MYO9A: variants seen among roughly 807,000 people sequenced by gnomAD.
MYO9A encodes the protein myosin IXA, also known as unconventional myosin-IXa.
MYO9A carries 103 observed loss-of-function variants against 293.3 expected under a neutral mutation model. That is an observed-to-expected ratio of 0.35 (90% CI 0.30 to 0.41). MYO9A has a LOEUF of 0.41. MYO9A is among the 10% of genes least tolerant of loss of function. The pLI, the probability that MYO9A is intolerant of heterozygous loss-of-function variation, is 1.00. For missense variants in MYO9A, 2,685 were observed against 3,033.0 expected, an observed-to-expected ratio of 0.89 and a Z score of 2.69; for synonymous variants, 1,001 against 1,035.7, an observed-to-expected ratio of 0.97 and a Z score of 0.64.
intron 1 of MYO9A, among the ~76,000 whole-genome samples, chr15:72,056,383 T>C (rs749273057): frequency 1.3e-5 from 2 of 152,192 alleles, no homozygotes; most frequent in African/African-American, 2.4e-5. Flanking sequence ...TTGTGGTCAA[T>C]ATACACCATG....
At chr15:71,994,361 T>C (rs1051325003) in intron 10 of MYO9A, 108 bp downstream of exon 10, 1 of 605,066 alleles carries the variant, frequency 1.7e-6, no homozygotes, top group Admixed American at 3.1e-5. Flanking sequence ...TAAAAGCGAT[T>C]TCTTACTTAT....
At position 72,117,993 on chromosome 15, in the gene MYO9A, G is replaced by A. The variant is rs992531631; in HGVS notation, c.-385C>T. On this transcript the variant is annotated 5_prime_UTR_variant, in exon 1 of 42. Coordinates refer to ENST00000356056, the MANE Select transcript of MYO9A (RefSeq NM_006901.4). Reference sequence around the variant, plus strand: ...CTCTGCCGGTGCAACTACTGCCTCCGCCGCCGCCTCTCGCAGTCCGGGCTG... The same window carrying A: ...CTCTGCCGGTGCAACTACTGCCTCCACCGCCGCCTCTCGCAGTCCGGGCTG... 2 of 398,832 alleles carry A rather than the reference G, an allele frequency of 5.0e-6. No homozygotes were observed. Among genetic ancestry groups the A allele is most frequent in the Non-Finnish European group, 4.4e-6 (1 of 226,558 alleles). 24.7% of individuals were successfully genotyped at this position (398,832 alleles called of 1,614,324 possible).
chr15:72,028,797 T>C (rs12439301), intron 3 of MYO9A, among the ~76,000 whole-genome samples: 1,914 of 152,330 alleles, frequency 0.013, 57 homozygotes, highest in Admixed American at 0.057. Context: ...TAGTTTCTTT[T>C]TATATATTTA....
At chr15:71,847,429 G>A (rs2055436309) in intron 39 of MYO9A, 4 of 454,754 alleles carry the variant, frequency 8.8e-6, no homozygotes, top group Middle Eastern at 3.2e-4. Context: ...ACTGAATTGC[G>A]GGTAATGTTC....
intron 1 of MYO9A, among the ~76,000 whole-genome samples, chr15:72,055,989 A>G (rs2078707483): frequency 6.6e-6 from 1 of 152,322 alleles, no homozygotes; most frequent in South Asian, 2.1e-4. Context: ...GCACTTTAGG[A>G]GGCCAAGGCA....
rs762832189 is a variant in MYO9A, at chr15:71,898,764, G to C, written c.3739C>G (p.Gln1247Glu). ...CTCTCTCTTACAAGCACATCTTCCT[G>C]CAAGTCCACACCACTCTGGCTTTGG... is the stretch of plus-strand genomic sequence containing the variant. ...RAQSQSGVDL[Q>E]EDVLVRERPR... The change falls in exon 25 of 42, where the codon CAG becomes GAG. Residue 1247 changes from glutamine to glutamate, a missense_variant. This residue lies in a region of MYO9A where 1,434 missense variants were observed against 1,497.7 expected (regional missense o/e 0.96). Transcript: ENST00000356056. The C allele has an allele frequency of 3.7e-6, 6 of 1,613,940 alleles. No individual in the cohort carries two copies. The South Asian group carries it at 6.6e-5, about 18-fold the overall frequency.
intron 19 of MYO9A, among the ~76,000 whole-genome samples, chr15:71,908,749 C>T (rs183404419): frequency 2.4e-4 from 37 of 152,188 alleles, no homozygotes; most frequent in African/African-American, 8.9e-4. Flanking sequence ...TGTGATGAAC[C>T]AATACTGACA....
At chr15:72,100,131 C>T (rs1381902642) in intron 1 of MYO9A, among the ~76,000 whole-genome samples, 1 of 152,056 alleles carries the variant, frequency 6.6e-6, no homozygotes, top group South Asian at 2.1e-4. Flanking sequence ...ACCTGGAATC[C>T]CAACACTTTG....
chr15:71,937,483 AT>A (rs993300915), intron 16 of MYO9A, among the ~76,000 whole-genome samples: 3 of 151,934 alleles, frequency 2.0e-5, no homozygotes, highest in Non-Finnish European at 4.4e-5. Flanking sequence ...GATGATTGTT[AT>A]TTTTTTTAGC....
Position 72,020,943 on chromosome 15 carries a change from G to C in MYO9A, c.1073C>G (p.Pro358Arg). The C allele has an allele frequency of 6.5e-7, 1 of 1,543,434 alleles. No individual in the cohort carries two copies. Among genetic ancestry groups the C allele is most frequent in the Non-Finnish European group, 8.7e-7 (1 of 1,152,262 alleles). The change falls in exon 5 of 42, where the codon CCA (proline) becomes CGA (arginine). Residue 358 changes from proline (P) to arginine (R), a missense_variant. Pro to Arg is a moderately radical substitution (Grantham distance 103). Transcript: ENST00000356056. Reference sequence around the variant, plus strand: ...CTGATTGAGATAATGATATTCCTCTGGTTGCTTAAGATGGAATGCTGATCT... The same window carrying C: ...CTGATTGAGATAATGATATTCCTCTCGTTGCTTAAGATGGAATGCTGATCT... ...DERSAFHLKQ[P>R]EEYHYLNQIT...
Position 71,991,189 on chromosome 15 carries a change from T to C in MYO9A, c.1636A>G (p.Asn546Asp), listed in dbSNP as rs565822551. The C allele has an allele frequency of 1.2e-6, 2 of 1,609,494 alleles. No homozygotes were observed. Among genetic ancestry groups the C allele is most frequent in the Admixed American group, 1.7e-5 (1 of 59,390 alleles). Residue 546 changes from asparagine to aspartate, a missense_variant, in exon 11 of 42, where the codon AAT becomes GAT. Around this residue, in one of 10 missense-constraint regions of MYO9A, gnomAD observed 201 missense variants for 245.2 expected, o/e 0.82. Transcript: ENST00000356056. Reference protein sequence around the residue: ...LDIFGFEDYENNSFEQFCINF... With the variant: ...LDIFGFEDYEDNSFEQFCINF... ...ATACAGAACTGTTCAAAGCTGTTAT[T>C]TTCATAATCTTCAAACCCAAAAATA...
At chr15:72,115,254 A>AT (rs565049125) in intron 1 of MYO9A, among the ~76,000 whole-genome samples, 100 of 152,254 alleles carry the variant, frequency 6.6e-4, no homozygotes, top group African/African-American at 2.4e-3. Context: ...CTTCTGTATG[A>AT]TTTTGCCTCC....
At chr15:71,946,269 T>G (rs1009156068) in intron 15 of MYO9A, among the ~76,000 whole-genome samples, 19 of 152,238 alleles carry the variant, frequency 1.2e-4, no homozygotes, top group African/African-American at 4.6e-4. Flanking sequence ...AGAATTGGTA[T>G]AATAGTCATT....
intron 12 of MYO9A, among the ~76,000 whole-genome samples, chr15:71,977,497 A>G (rs1427119175): frequency 1.3e-5 from 2 of 152,162 alleles, no homozygotes; most frequent in South Asian, 2.1e-4. Flanking sequence ...TTGGCATCCC[A>G]AAGTGTTGAG....
At chr15:71,975,527 C>A (rs1204408406) in intron 12 of MYO9A, among the ~76,000 whole-genome samples, 1 of 151,160 alleles carries the variant, frequency 6.6e-6, no homozygotes, top group African/African-American at 2.4e-5. Context: ...GAGCAGGTCA[C>A]AGGAGTGCTT....
Position 71,883,639 on chromosome 15 carries a change from G to C in MYO9A, c.5353C>G (p.Leu1785Val). The change falls in exon 28 of 42, where the codon CTC (leucine) becomes GTC (valine). Residue 1785 changes from leucine (L) to valine (V), a missense_variant. This residue lies in a region of MYO9A where 1,434 missense variants were observed against 1,497.7 expected (regional missense o/e 0.96). Transcript: ENST00000356056. ...GGAATCACATCTGTGCCTGCAAAGAGTGGCGAAACCTCTGACTGGGTAGTA... is the reference window on the plus strand; with the variant it reads ...GGAATCACATCTGTGCCTGCAAAGACTGGCGAAACCTCTGACTGGGTAGTA... ...KPTTQSEVSP[L>V]FAGTDVIPAH... 1 of 1,613,600 alleles carries C rather than the reference G, an allele frequency of 6.2e-7. No individual in the cohort carries two copies.
rs199570351 is a variant in MYO9A at position 71,994,473 on chromosome 15, G to T, written c.1583C>A (p.Thr528Asn). 2 of 1,552,810 alleles carry T rather than the reference G, an allele frequency of 1.3e-6. No individual in the cohort carries two copies. Among genetic ancestry groups the T allele is most frequent in the African/African-American group, 1.4e-5 (1 of 72,762 alleles). The stretch of plus-strand genomic sequence containing the variant: ...TATAATCCAATATATCATTACCTTG[G>T]TATTATGCTCTAAATCTTTACTATT... Reference protein sequence around the residue: ...LLNSKDLEHNTKTLSIGVLDI... With the variant: ...LLNSKDLEHNNKTLSIGVLDI... Residue 528 changes from threonine to asparagine, a missense_variant, in exon 10 of 42, where the codon ACC (threonine) becomes AAC (asparagine). By Grantham distance (65) the Thr-to-Asn change is moderately conservative. This residue lies in a region of MYO9A where 201 missense variants were observed against 245.2 expected (regional missense o/e 0.82). Coordinates refer to ENST00000356056, the MANE Select transcript of MYO9A (RefSeq NM_006901.4).
chr15:71,888,840 T>C (rs2057094393), intron 26 of MYO9A, among the ~76,000 whole-genome samples: 1 of 152,194 alleles, frequency 6.6e-6, no homozygotes, highest in African/African-American at 2.4e-5. Context: ...TATGGCCTTA[T>C]TAACAGAAAG....
At chr15:72,116,114 A>T (rs1368281181) in intron 1 of MYO9A, among the ~76,000 whole-genome samples, 1 of 152,248 alleles carries the variant, frequency 6.6e-6, no homozygotes, top group Non-Finnish European at 1.5e-5. Context: ...TATCACAGAA[A>T]GGATACACAT....
Sources: allele counts gnomAD v4.1 joint callset (sites outside exome capture counted in the v4.1 genomes callset), GRCh38; gene constraint gnomAD v4.1.1; regional missense constraint gnomAD v4.1.1; transcripts MANE v1.5; gene names NCBI Gene and HGNC (gene_info 2026-07-23, HGNC 2026-07-21).